The following PDE11A variants were observed in gnomAD, a reference collection of about 807,000 sequenced individuals.
The protein encoded by PDE11A is dual 3',5'-cyclic-AMP and -GMP phosphodiesterase 11A.
Under a neutral mutation model 100.5 loss-of-function variants are expected in PDE11A, and 100 were observed. The ratio of observed to expected loss-of-function variants is 1.00; its 90% CI spans 0.85 to 1.18. PDE11A has a LOEUF of 1.18. Among genes scored for constraint, PDE11A ranks in the 50% most tolerant of loss-of-function variants. The pLI, the probability that PDE11A is intolerant of heterozygous loss-of-function variation, is 0.00. For synonymous variants in PDE11A, 381 were observed against 420.8 expected, an observed-to-expected ratio of 0.91 and a Z score of 1.16; for missense variants, 1,141 against 1,152.6, an observed-to-expected ratio of 0.99 and a Z score of 0.15.
intron 2 of PDE11A, among the ~76,000 whole-genome samples, chr2:177,990,733 G>GTAAGTATCCGCCTCCTACCTATTCTTAA (rs1559034287): frequency 1.2e-4 from 15 of 120,466 alleles, no homozygotes; most frequent in South Asian, 2.9e-4. Context: ...GCGAGACTCT[G>GTAAGTATCCGCCTCCTACCTATTCTTAA]TCTCAAAAAA....
intron 1 of PDE11A, among the ~76,000 whole-genome samples, chr2:178,039,615 C>G (rs1247289285): frequency 6.6e-6 from 1 of 150,636 alleles, no homozygotes; most frequent in Non-Finnish European, 1.5e-5. Flanking sequence ...TCCAGGAGAC[C>G]TATACAAAAT....
At chr2:177,866,903 A>G (rs2084038563) in intron 5 of PDE11A, among the ~76,000 whole-genome samples, 2 of 152,272 alleles carry the variant, frequency 1.3e-5, no homozygotes, top group Non-Finnish European at 2.9e-5. Flanking sequence ...AAGGCCTGTA[A>G]GTCTAAAGCA....
chr2:177,964,662 A>T (rs1031641604), intron 2 of PDE11A, among the ~76,000 whole-genome samples: 1 of 152,108 alleles, frequency 6.6e-6, no homozygotes, highest in Admixed American at 6.5e-5. Flanking sequence ...TTCCTGTGTT[A>T]ATTTGCTTAG....
intron 1 of PDE11A, among the ~76,000 whole-genome samples, chr2:178,034,323 A>G (rs1053056651): frequency 6.6e-6 from 1 of 152,190 alleles, no homozygotes; most frequent in Non-Finnish European, 1.5e-5. Context: ...AAGAAAAGCT[A>G]CCTATCCTAA....
rs150833448 is a variant in PDE11A, at chr2:177,847,220, G to C, written c.1368-6837C>G. Among the ~76,000 whole-genome samples the C allele has an allele frequency of 1.0e-3, 158 of 152,154 alleles. 1 individual carries two copies. The highest frequency in any genetic ancestry group is 3.4e-3 in the Middle Eastern group (1 of 294). ...CATGGGGTCTGAGTAGGATGAAGTG[G>C]GTATGACCACCTCCTTCATTCTAGA... On this transcript the variant is annotated intron_variant, in intron 5 of 19. Coordinates refer to ENST00000286063, the MANE Select transcript of PDE11A (RefSeq NM_016953.4).
chr2:177,946,103 G>T (rs1279075507), intron 2 of PDE11A, among the ~76,000 whole-genome samples: 2 of 115,554 alleles, frequency 1.7e-5, no homozygotes, highest in Non-Finnish European at 3.7e-5. Context: ...ATGGAGGTGG[G>T]GGGGGGTCAG....
chr2:178,104,212 G>T, intron 2 of PDE11A: 1 of 1,269,674 alleles, frequency 7.9e-7, no homozygotes, highest in Non-Finnish European at 1.1e-6. Flanking sequence ...TTTTAACGCT[G>T]CAAATTAGGA....
rs775868111 is a variant in PDE11A, at chr2:177,728,058, C to A, written c.1903G>T (p.Gly635Trp). 4.9e-5 allele frequency: 79 copies of A among 1,613,274 alleles called. No homozygotes were observed. The African/African-American group carries it at 8.7e-4, about 18-fold the overall frequency. The change falls in exon 11 of 20, where the codon GGG (glycine) becomes TGG (tryptophan). Residue 635 changes from glycine to tryptophan, a missense_variant. Physicochemically the swap from Gly to Trp is radical, Grantham distance 184 (BLOSUM62 -2). Coordinates refer to ENST00000286063, the MANE Select transcript of PDE11A (RefSeq NM_016953.4). Reference sequence around the variant, plus strand: ...TCAATTTTAAATTTCTGTACCATCCCCAGCTCCATGAACATCCGGAGAGCA... The same window carrying A: ...TCAATTTTAAATTTCTGTACCATCCACAGCTCCATGAACATCCGGAGAGCA... ...TAALRMFMEL[G>W]MVQKFKIDYE...
intron 2 of PDE11A, among the ~76,000 whole-genome samples, chr2:177,907,381 C>G (rs940044564): frequency 5.3e-5 from 8 of 152,102 alleles, no homozygotes; most frequent in African/African-American, 1.7e-4. Flanking sequence ...GCACCTTATT[C>G]AAGAAAAAAT....
intron 9 of PDE11A, among the ~76,000 whole-genome samples, chr2:177,808,804 G>A (rs1255984959): frequency 1.3e-5 from 2 of 152,138 alleles, no homozygotes; most frequent in Non-Finnish European, 2.9e-5. Flanking sequence ...TAAATTGAGT[G>A]AGTTTTCCCC....
intron 2 of PDE11A, among the ~76,000 whole-genome samples, chr2:177,929,705 T>C (rs1226340404): frequency 6.6e-6 from 1 of 152,168 alleles, no homozygotes; most frequent in East Asian, 1.9e-4. Context: ...AGAGAGTTAA[T>C]TTTGTAGTTG....
chr2:177,956,583 T>A (rs2085565933), intron 2 of PDE11A, among the ~76,000 whole-genome samples: 2 of 152,212 alleles, frequency 1.3e-5, no homozygotes, highest in Non-Finnish European at 2.9e-5. Flanking sequence ...GGATTATAAA[T>A]CATGCTGCTC....
intron 1 of PDE11A, among the ~76,000 whole-genome samples, chr2:178,068,999 G>T (rs2105871051): frequency 6.6e-6 from 1 of 152,290 alleles, no homozygotes; most frequent in East Asian, 1.9e-4. Flanking sequence ...GCATGGAAAA[G>T]ATTAGGCTGG....
chr2:177,707,441 G>C (rs1315358709), intron 13 of PDE11A, among the ~76,000 whole-genome samples: 2 of 152,166 alleles, frequency 1.3e-5, no homozygotes, highest in African/African-American at 2.4e-5. Context: ...CCTAGAAATA[G>C]GAACAAGGAT....
At chr2:177,867,061 A>G (rs1201849084) in intron 5 of PDE11A, among the ~76,000 whole-genome samples, 1 of 152,242 alleles carries the variant, frequency 6.6e-6, no homozygotes, top group Non-Finnish European at 1.5e-5. Context: ...ATAGTTTCAT[A>G]AAATATTTGT....
chr2:177,918,197 T>C (rs2084982689), intron 2 of PDE11A, among the ~76,000 whole-genome samples: 1 of 152,236 alleles, frequency 6.6e-6, no homozygotes, highest in Non-Finnish European at 1.5e-5. Flanking sequence ...ACATGAGTCA[T>C]CAGTAATTCA....
chr2:177,635,970 T>C (rs913875167), intron 19 of PDE11A, among the ~76,000 whole-genome samples: 1 of 152,004 alleles, frequency 6.6e-6, no homozygotes, highest in African/African-American at 2.4e-5. Flanking sequence ...AATAATGCTG[T>C]AATGGATATC....
chr2:177,630,474 T>G (rs1159234649), intron 19 of PDE11A, among the ~76,000 whole-genome samples: 1 of 151,964 alleles, frequency 6.6e-6, no homozygotes, highest in Non-Finnish European at 1.5e-5. Context: ...TTCTCCAAGA[T>G]AGGGGGTAAC....
intron 1 of PDE11A, among the ~76,000 whole-genome samples, chr2:178,037,832 G>A (rs776588979): frequency 1.3e-5 from 2 of 152,030 alleles, no homozygotes; most frequent in African/African-American, 2.4e-5. Flanking sequence ...GAGAGCACAT[G>A]GACACAGTGA....
Sources: gnomAD v4.1 joint callset for allele counts (sites outside exome capture counted in the v4.1 genomes callset) on GRCh38, gnomAD v4.1.1 for gene constraint, MANE v1.5 for transcripts, NCBI Gene and HGNC (gene_info 2026-07-23, HGNC 2026-07-21) for gene names.